The following CEP72 variants were observed in gnomAD, a reference collection of about 807,000 sequenced individuals.
CEP72 encodes the protein centrosomal protein of 72 kDa.
In CEP72, 78 loss-of-function variants were observed where a neutral mutation model predicts 65.7. The ratio of observed to expected loss-of-function variants is 1.19; its 90% CI spans 0.99 to 1.43. The LOEUF (loss-of-function observed/expected upper bound fraction) is 1.43. Ranked by LOEUF, CEP72 falls within the 40% of genes most tolerant of loss-of-function variation. The pLI, the probability that CEP72 is intolerant of heterozygous loss-of-function variation, is 0.00. For synonymous variants in CEP72, 358 were observed against 351.7 expected, an observed-to-expected ratio of 1.02 and a Z score of -0.20; for missense variants, 914 against 832.9, an observed-to-expected ratio of 1.10 and a Z score of -1.20.
chr5:665,272 A>G, exon 3 of CEP72: 1 of 1,613,550 alleles, frequency 6.2e-7, no homozygotes, highest in Non-Finnish European at 8.5e-7. Flanking sequence ...GTGAGCCTCG[A>G]CACTGTGGGC....
chr5:643,563 G>A, intron 9 of CEP72: 1 of 985,400 alleles, frequency 1.0e-6, no homozygotes, highest in Non-Finnish European at 1.2e-6. Flanking sequence ...CGAGGCTTCT[G>A]CTGCACAGAC....
chr5:675,359 T>G, the CEP72 span, among the ~76,000 whole-genome samples: 797 of 5,912 alleles, frequency 0.13, no homozygotes, highest in Non-Finnish European at 0.16. Flanking sequence ...AGTGTGGGGG[T>G]GTGCAGTGTG....
chr5:625,558 C>T lies in CEP72; in HGVS notation c.512+979C>T, dbSNP rs566181098. ...GCGCAGGCAGGGGCCCGATTTGAGC[C>T]GTTTTTTGCTGACTTCTCTTCCAGT... On this transcript the variant is annotated intron_variant, in intron 4 of 11. Coordinates refer to ENST00000264935, the MANE Select transcript of CEP72 (RefSeq NM_018140.4). Among the ~76,000 whole-genome samples, 22 of 152,324 alleles carry T rather than the reference C, an allele frequency of 1.4e-4. No homozygotes were observed. In the East Asian group the frequency reaches 3.1e-3, roughly 21 times the overall value.
At chr5:649,660 TGTGCCTGTGAGGC>T (rs1738800173) in intron 11 of CEP72, among the ~76,000 whole-genome samples, 6 of 50,350 alleles carry the variant, frequency 1.2e-4, no homozygotes, top group East Asian at 6.7e-4. Context: ...GACTGTGAGG[TGTGCCTGTGAGGC>T]GTGGACTGTG....
intron 4 of CEP72, 122 bp from the exon 5 acceptor site, chr5:633,647 C>G: frequency 1.1e-6 from 1 of 911,634 alleles, no homozygotes; most frequent in Non-Finnish European, 1.7e-6. Context: ...ACCCGGCTGC[C>G]CCACGTTTGC....
downstream of CEP72, among the ~76,000 whole-genome samples, chr5:670,335 C>G (rs1740172866): frequency 6.6e-6 from 1 of 152,226 alleles, no homozygotes; most frequent in African/African-American, 2.4e-5. Context: ...CCTGGGCTCT[C>G]TGGGCCTGCA....
intron 11 of CEP72, among the ~76,000 whole-genome samples, chr5:648,857 GTGACTGTGAGGTGTGACTGTGAGGT>G (rs1293178916): frequency 0.015 from 486 of 31,650 alleles, 2 homozygotes; most frequent in African/African-American, 0.05. Flanking sequence ...ACTGTGAGGT[GTGACTGTGAGGTGTGACTGTGAGGT>G]GTGACTGTGA....
chr5:658,938 G>A (rs561159002), downstream of CEP72, among the ~76,000 whole-genome samples: 79 of 152,250 alleles, frequency 5.2e-4, no homozygotes, highest in Non-Finnish European at 8.8e-4. Flanking sequence ...AAAGTGCTGG[G>A]ACTACAGGTG....
chr5:618,949 C>T, intron 1 of CEP72, 41 bp from the exon 2 acceptor site: 1 of 1,503,954 alleles, frequency 6.6e-7, no homozygotes, highest in African/African-American at 1.4e-5. Context: ...TAATTGTTTT[C>T]AAAATAAAAG....
chr5:633,376 T>G (rs1472702282), intron 4 of CEP72, among the ~76,000 whole-genome samples: 3 of 119,610 alleles, frequency 2.5e-5, no homozygotes. Context: ...CTGGTGGGGT[T>G]CTGTCCAGTG....
intron 2 of CEP72, among the ~76,000 whole-genome samples, chr5:619,734 AG>A (rs113615971): frequency 3.9e-5 from 6 of 152,198 alleles, no homozygotes; most frequent in Admixed American, 2.0e-4. Context: ...TCATCTGTGA[AG>A]GGGGGGCTGA....
chr5:634,536 C>T (rs7701099), intron 5 of CEP72, among the ~76,000 whole-genome samples: 6,884 of 152,300 alleles, frequency 0.045, 507 homozygotes, highest in African/African-American at 0.15. Context: ...CCTGTGGCAG[C>T]GGTGCTCGAG....
rs1413873009 is a variant in CEP72 at position 623,188 on chromosome 5, C to A, written c.404-1283C>A. The stretch of plus-strand genomic sequence containing the variant: ...GTGTTTCTGCAGAGAAGGAGCGCGA[C>A]CGTCTCCCCTCTTAGTGTTTCTACA... On this transcript the variant is annotated intron_variant, in intron 3 of 11. Transcript: ENST00000264935. This position sits in a 1 kb window ranked among gnomAD's most constrained non-coding sequence, Gnocchi z 5.3. Among the ~76,000 whole-genome samples, 2 of 152,152 alleles carry A rather than the reference C, an allele frequency of 1.3e-5. No homozygotes were observed. Among genetic ancestry groups the A allele is most frequent in the Non-Finnish European group, 2.9e-5 (2 of 68,028 alleles).
At position 640,572 on chromosome 5, in the gene CEP72, A is replaced by T; in HGVS notation, c.1507A>T (p.Thr503Ser). ...GCACGCCCGGGAGATGAGCGAGGTGACGGCGGAGCTGCACCACACACACAA... is the reference window on the plus strand; with the variant it reads ...GCACGCCCGGGAGATGAGCGAGGTGTCGGCGGAGCTGCACCACACACACAA... Reference protein sequence around the residue: ...QQHAREMSEVTAELHHTHKEL... With the variant: ...QQHAREMSEVSAELHHTHKEL... Residue 503 changes from threonine to serine, a missense_variant, in exon 9 of 12, where the codon ACG (threonine) becomes TCG (serine). Coordinates refer to ENST00000264935, the MANE Select transcript of CEP72 (RefSeq NM_018140.4). 4 of 1,613,654 alleles carry T rather than the reference A, an allele frequency of 2.5e-6. No individual in the cohort carries two copies. The highest frequency in any genetic ancestry group is 3.4e-6 in the Non-Finnish European group (4 of 1,180,014).
At chr5:638,261 C>T (rs148403808) in intron 7 of CEP72, among the ~76,000 whole-genome samples, 15 of 152,282 alleles carry the variant, frequency 9.9e-5, no homozygotes, top group African/African-American at 3.6e-4. Context: ...CCATTGATGA[C>T]CCTTTCGTGA....
chr5:648,470 G>GTGACTGTGAGGTA (rs1382470872), intron 11 of CEP72, among the ~76,000 whole-genome samples: 3 of 137,236 alleles, frequency 2.2e-5, no homozygotes, highest in Non-Finnish European at 4.8e-5. Flanking sequence ...ACTGTGAGGT[G>GTGACTGTGAGGTA]TGACTGTGAG....
In CEP72 at chr5:644,340, C is replaced by T; in HGVS notation, c.1581C>T (p.Asn527=). The T allele has an allele frequency of 6.2e-7, 1 of 1,613,762 alleles. No individual in the cohort carries two copies. Among genetic ancestry groups the T allele is most frequent in the Non-Finnish European group, 8.5e-7 (1 of 1,179,880 alleles). Residue 527 remains asparagine, a synonymous_variant, in exon 10 of 12, where the codon AAC becomes AAT. Coordinates refer to ENST00000264935, the MANE Select transcript of CEP72 (RefSeq NM_018140.4). ...ATTTAGATAAATCTTTGGAAGAGAA[C>T]AGTAGGTTAAAATCGCTTTTGTTGA... ...RQHLDKSLEE[N]SRLKSLLLSM...
At chr5:649,520 CTGTGAGGT>C (rs1738774033) in intron 11 of CEP72, among the ~76,000 whole-genome samples, 1 of 78,624 alleles carries the variant, frequency 1.3e-5, no homozygotes, top group African/African-American at 5.2e-5. Flanking sequence ...TGAGGTGTGA[CTGTGAGGT>C]GTGGACTGTG....
In CEP72 at chr5:635,385, G is replaced by C. The variant is rs746929680; in HGVS notation, c.705G>C (p.Leu235=). The change falls in exon 6 of 12, where the codon CTG becomes CTC. Residue 235 remains leucine, a synonymous_variant. Coordinates refer to ENST00000264935, the MANE Select transcript of CEP72 (RefSeq NM_018140.4). ...ATATTTTAATAGAATCCAGACATCT[G>C]TTGAGCCCGCAGTTGGTACAGTACC... ...DSRGSQESRH[L]LSPQLVQYQC... 1 of 1,610,446 alleles carries C rather than the reference G, an allele frequency of 6.2e-7. No individual in the cohort carries two copies. Among genetic ancestry groups the C allele is most frequent in the South Asian group, 1.1e-5 (1 of 90,898 alleles).
Sources: allele counts gnomAD v4.1 joint callset (sites outside exome capture counted in the v4.1 genomes callset), GRCh38; gene constraint gnomAD v4.1.1; non-coding constraint Gnocchi (gnomAD v3.1); transcripts MANE v1.5; gene names NCBI Gene and HGNC (gene_info 2026-07-23, HGNC 2026-07-21).